Variants in CNTNAP2 observed in about 807,000 individuals in gnomAD.
CNTNAP2 encodes the protein contactin-associated protein-like 2.
CNTNAP2 carries 98 observed loss-of-function variants against 155.2 expected under a neutral mutation model. The observed-to-expected ratio is 0.63, with a 90% CI of 0.54 to 0.75. CNTNAP2 has a LOEUF of 0.75. CNTNAP2 is among the 30% of genes least tolerant of loss of function. The probability of loss-of-function intolerance (pLI) is 0.00; values close to 1 mark genes in which losing one functional copy is unlikely to be tolerated. For missense variants in CNTNAP2, 1,727 were observed against 1,688.1 expected, an observed-to-expected ratio of 1.02 and a Z score of -0.40; for synonymous variants, 651 against 631.2, an observed-to-expected ratio of 1.03 and a Z score of -0.47.
intron 13 of CNTNAP2, among the ~76,000 whole-genome samples, chr7:147,773,909 C>A (rs949764029): frequency 6.6e-6 from 1 of 152,160 alleles, no homozygotes; most frequent in South Asian, 2.1e-4. Context: ...AACTTCATCT[C>A]CTACTACCTT....
At chr7:147,083,974 A>G (rs1201950889) in intron 4 of CNTNAP2, among the ~76,000 whole-genome samples, 2 of 138,630 alleles carry the variant, frequency 1.4e-5, no homozygotes, top group Non-Finnish European at 1.5e-5. Context: ...ATATATGTGT[A>G]TACACATATA....
intron 1 of CNTNAP2, among the ~76,000 whole-genome samples, chr7:146,677,174 C>CATGGAACTGGAA (rs1563184184): frequency 2.0e-5 from 3 of 152,018 alleles, no homozygotes; most frequent in African/African-American, 7.2e-5. Flanking sequence ...CCATGTTATA[C>CATGGAACTGGAA]GTGGAACTGG....
chr7:147,382,315 T>C (rs1246778027), intron 9 of CNTNAP2, among the ~76,000 whole-genome samples: 3 of 152,060 alleles, frequency 2.0e-5, no homozygotes, highest in Non-Finnish European at 4.4e-5. Flanking sequence ...AAGTGGACAG[T>C]AGAAAATCTG....
At chr7:146,711,623 C>T (rs1356985649) in intron 1 of CNTNAP2, among the ~76,000 whole-genome samples, 3 of 148,956 alleles carry the variant, frequency 2.0e-5, no homozygotes, top group African/African-American at 4.9e-5. Flanking sequence ...TAAGGTGGAA[C>T]CATTTCAGAC....
At chr7:147,326,241 T>C (rs1017789701) in intron 9 of CNTNAP2, among the ~76,000 whole-genome samples, 1 of 152,218 alleles carries the variant, frequency 6.6e-6, no homozygotes, top group Non-Finnish European at 1.5e-5. Context: ...TTCTACTTGC[T>C]ATCTTTATGA....
At chr7:146,520,710 A>C (rs1029851456) in intron 1 of CNTNAP2, among the ~76,000 whole-genome samples, 4 of 151,862 alleles carry the variant, frequency 2.6e-5, no homozygotes, top group African/African-American at 9.7e-5. Flanking sequence ...AAAAAGAATA[A>C]ATTTATAATC....
At chr7:148,232,922 C>T (rs962531085) in intron 20 of CNTNAP2, among the ~76,000 whole-genome samples, 1 of 152,198 alleles carries the variant, frequency 6.6e-6, no homozygotes, top group Non-Finnish European at 1.5e-5. Flanking sequence ...TTGGATGAAA[C>T]ATTTGCTGCC....
intron 14 of CNTNAP2, among the ~76,000 whole-genome samples, chr7:147,960,782 G>T (rs185785887): frequency 6.9e-4 from 105 of 151,900 alleles, no homozygotes; most frequent in African/African-American, 2.4e-3. Flanking sequence ...AATTACCTAG[G>T]CTCTTTCTTT....
At chr7:146,161,567 T>A (rs774672585) in intron 1 of CNTNAP2, among the ~76,000 whole-genome samples, 13 of 152,092 alleles carry the variant, frequency 8.5e-5, no homozygotes, top group Non-Finnish European at 1.9e-4. Flanking sequence ...GAATCAATAT[T>A]GTGAAAATGG....
chr7:146,856,867 A>T (rs1448695807), intron 3 of CNTNAP2, among the ~76,000 whole-genome samples: 1 of 152,172 alleles, frequency 6.6e-6, no homozygotes, highest in Non-Finnish European at 1.5e-5. Context: ...TATCAGTGTG[A>T]TAAGAGACAC....
At chr7:147,422,352 G>A (rs375879096) in intron 10 of CNTNAP2, among the ~76,000 whole-genome samples, 1 of 150,740 alleles carries the variant, frequency 6.6e-6, no homozygotes, top group South Asian at 2.1e-4. Context: ...TATACACTAT[G>A]TATGTGTATA....
At chr7:147,149,157 T>G (rs1022325562) in intron 8 of CNTNAP2, among the ~76,000 whole-genome samples, 1 of 152,162 alleles carries the variant, frequency 6.6e-6, no homozygotes, top group Non-Finnish European at 1.5e-5. Flanking sequence ...TATAGAGTGC[T>G]GATTGGCCCA....
At chr7:147,636,519 G>T (rs780677293) in intron 12 of CNTNAP2, among the ~76,000 whole-genome samples, 1 of 152,022 alleles carries the variant, frequency 6.6e-6, no homozygotes, top group African/African-American at 2.4e-5. Context: ...GTGGTTTGCC[G>T]CACCTATCAA....
At chr7:146,430,948 C>G (rs1367678666) in intron 1 of CNTNAP2, among the ~76,000 whole-genome samples, 1 of 152,000 alleles carries the variant, frequency 6.6e-6, no homozygotes, top group Non-Finnish European at 1.5e-5. Context: ...AGCAGATGTT[C>G]TGTTAGGCTG....
intron 10 of CNTNAP2, among the ~76,000 whole-genome samples, chr7:147,477,595 T>C (rs1798344863): frequency 1.3e-5 from 2 of 152,242 alleles, no homozygotes; most frequent in South Asian, 2.1e-4. Flanking sequence ...TTGAAGACTT[T>C]CAGTGCTTTC....
chr7:148,067,309 C>G (rs1230846939), intron 15 of CNTNAP2, among the ~76,000 whole-genome samples: 1 of 152,162 alleles, frequency 6.6e-6, no homozygotes, highest in Non-Finnish European at 1.5e-5. Flanking sequence ...ATGTGGTGCT[C>G]TCCCCCTTTC....
chr7:146,727,136 A>G (rs1263760689), intron 1 of CNTNAP2, among the ~76,000 whole-genome samples: 4 of 152,186 alleles, frequency 2.6e-5, no homozygotes, highest in African/African-American at 9.7e-5. Flanking sequence ...ATAAACCAGT[A>G]TCAGCAGTTT....
At chr7:146,880,736 A>G (rs1795532043) in intron 3 of CNTNAP2, among the ~76,000 whole-genome samples, 1 of 152,152 alleles carries the variant, frequency 6.6e-6, no homozygotes, top group Non-Finnish European at 1.5e-5. Context: ...TTTATATATT[A>G]GTAGAAGGAG....
intron 1 of CNTNAP2, among the ~76,000 whole-genome samples, chr7:146,388,548 G>A (rs980103936): frequency 6.6e-6 from 1 of 152,118 alleles, no homozygotes; most frequent in Non-Finnish European, 1.5e-5. Flanking sequence ...ATGTGGATAA[G>A]CACATCATGG....
Sources: allele counts gnomAD v4.1 joint callset (sites outside exome capture counted in the v4.1 genomes callset), GRCh38; gene constraint gnomAD v4.1.1; transcripts MANE v1.5; gene names NCBI Gene and HGNC (gene_info 2026-07-23, HGNC 2026-07-21).